PRKAA2: variants seen among roughly 807,000 people sequenced by gnomAD.
The protein encoded by PRKAA2 is 5'-AMP-activated protein kinase catalytic subunit alpha-2.
A neutral mutation model predicts 56.3 loss-of-function variants in PRKAA2; 40 were observed. The ratio of observed to expected loss-of-function variants is 0.71; its 90% CI spans 0.55 to 0.92. The LOEUF (loss-of-function observed/expected upper bound fraction) is 0.92. Among genes scored for constraint, PRKAA2 ranks in the 40% least tolerant of loss-of-function variants. PRKAA2 has a pLI of 0.00. For synonymous variants in PRKAA2, 214 were observed against 234.2 expected, an observed-to-expected ratio of 0.91 and a Z score of 0.79; for missense variants, 542 against 686.9, an observed-to-expected ratio of 0.79 and a Z score of 2.36.
intron 2 of PRKAA2, among the ~76,000 whole-genome samples, chr1:56,682,961 C>T (rs939189620): frequency 6.6e-6 from 1 of 151,290 alleles, no homozygotes; most frequent in African/African-American, 2.4e-5. Flanking sequence ...GTAGGAAGTT[C>T]TGTTCAACAG....
intron 1 of PRKAA2, among the ~76,000 whole-genome samples, chr1:56,656,903 A>C (rs979169755): frequency 3.9e-5 from 6 of 152,234 alleles, no homozygotes; most frequent in African/African-American, 1.4e-4. Context: ...TCTTGAATCC[A>C]AGACCACTGA....
rs1644355221 is a variant in PRKAA2 at position 56,709,458 on chromosome 1, A to G, written c.*1745A>G. 6.6e-6 allele frequency: 1 copy of G among 152,166 alleles called. No individual in the cohort carries two copies. The highest frequency in any genetic ancestry group is 2.4e-5 in the African/African-American group (1 of 41,452). 9.4% of individuals were successfully genotyped at this position (152,166 alleles called of 1,614,324 possible). A position where few individuals can be genotyped will look rare whatever the true frequency, so the allele number is the denominator to read the frequency against. The stretch of plus-strand genomic sequence containing the variant: ...GCAATTTGAGATAGTTTAAGGTTTA[A>G]TTATTGAAAGACTGCCATCTTGTGG... On this transcript the variant is annotated 3_prime_UTR_variant, in exon 9 of 9. Coordinates refer to ENST00000371244, the MANE Select transcript of PRKAA2 (RefSeq NM_006252.4).
intron 2 of PRKAA2, among the ~76,000 whole-genome samples, chr1:56,674,875 A>G (rs1342687777): frequency 6.6e-6 from 1 of 151,982 alleles, no homozygotes; most frequent in Non-Finnish European, 1.5e-5. Flanking sequence ...ACATTTCTAG[A>G]TTCATTTTTA....
rs1282542819 is a variant in PRKAA2, at chr1:56,696,248, C to T, written c.788+89C>T. The T allele has an allele frequency of 3.4e-6, 4 of 1,192,278 alleles. No homozygotes were observed. In the African/African-American group the frequency reaches 4.6e-5, roughly 14 times the overall value. 73.9% of individuals were successfully genotyped at this position (1,192,278 alleles called of 1,614,324 possible). ...GATTCTCCCAAAGTCTCATTTCCTG[C>T]CCTCACCACCTCACCCCAGTACTCA... On this transcript the variant is annotated intron_variant, in intron 6 of 8. Transcript: ENST00000371244.
intron 4 of PRKAA2, 28 bp downstream of exon 4, chr1:56,692,530 G>A (rs1308449409): frequency 6.2e-7 from 1 of 1,603,080 alleles, no homozygotes; most frequent in Admixed American, 1.7e-5. Flanking sequence ...TGTTCAGAAA[G>A]GTACTAGCTA....
At chr1:56,703,493 T>C (rs1644309914) in intron 6 of PRKAA2, among the ~76,000 whole-genome samples, 1 of 152,198 alleles carries the variant, frequency 6.6e-6, no homozygotes, top group African/African-American at 2.4e-5. Context: ...ACCTTCTTCA[T>C]TCAGTCTGTT....
intron 8 of PRKAA2, 58 bp from the exon 9 acceptor site, chr1:56,707,417 G>C: frequency 7.3e-7 from 1 of 1,371,280 alleles, no homozygotes; most frequent in Non-Finnish European, 1.0e-6. Context: ...TAAATTCATA[G>C]GAAGGGCTTG....
intron 4 of PRKAA2, among the ~76,000 whole-genome samples, chr1:56,692,913 G>C (rs1044498120): frequency 1.3e-5 from 2 of 151,462 alleles, no homozygotes; most frequent in African/African-American, 4.9e-5. Flanking sequence ...GCATGCAGTT[G>C]GAAAAAAGCC....
intron 1 of PRKAA2, among the ~76,000 whole-genome samples, chr1:56,660,937 G>A (rs1323908457): frequency 6.6e-6 from 1 of 152,196 alleles, no homozygotes; most frequent in Non-Finnish European, 1.5e-5. Flanking sequence ...TCAGGGAAAG[G>A]AAATTTGGAG....
In PRKAA2 at chr1:56,695,840, T is replaced by G. The variant is rs1418421667; in HGVS notation, c.564-95T>G. On this transcript the variant is annotated intron_variant, in intron 5 of 8. Coordinates refer to ENST00000371244, the MANE Select transcript of PRKAA2 (RefSeq NM_006252.4). The stretch of plus-strand genomic sequence containing the variant: ...TCATTAAAGACCTTGGAAATGAATA[T>G]GTACTGAATGTAGACTACCTATATA... The G allele has an allele frequency of 3.9e-6, 4 of 1,025,216 alleles. No homozygotes were observed. In the Admixed American group the frequency reaches 6.2e-5, roughly 16 times the overall value. 63.5% of individuals were successfully genotyped at this position (1,025,216 alleles called of 1,614,324 possible). A position where few individuals can be genotyped will look rare whatever the true frequency, so the allele number is the denominator to read the frequency against.
intron 1 of PRKAA2, among the ~76,000 whole-genome samples, chr1:56,656,094 A>G (rs929483309): frequency 6.6e-6 from 1 of 152,238 alleles, no homozygotes; most frequent in Non-Finnish European, 1.5e-5. Context: ...TCTAGGACTG[A>G]AAAAATACAA....
chr1:56,709,552 A>T lies in PRKAA2; in HGVS notation c.*1839A>T, dbSNP rs571522690. ...CAGTCCTGCTGTGTTAGCCTGGTCC[A>T]TTATAGATATGGCATAGTTTTGGGT... On this transcript the variant is annotated 3_prime_UTR_variant, in exon 9 of 9. Transcript: ENST00000371244. The T allele has an allele frequency of 2.0e-5, 3 of 152,310 alleles. No individual in the cohort carries two copies. The South Asian group carries it at 6.2e-4, about 32-fold the overall frequency. The allele number at this position is 152,310 out of a possible 1,614,324, so 9.4% of individuals were successfully genotyped here.
At chr1:56,667,863 G>T (rs888157092) in intron 1 of PRKAA2, among the ~76,000 whole-genome samples, 3 of 152,074 alleles carry the variant, frequency 2.0e-5, no homozygotes, top group Admixed American at 6.6e-5. Context: ...TCCATTTCTT[G>T]GTAGTCTCTC....
chr1:56,687,508 A>C (rs1644200392), intron 2 of PRKAA2, among the ~76,000 whole-genome samples: 1 of 152,142 alleles, frequency 6.6e-6, no homozygotes, highest in Non-Finnish European at 1.5e-5. Context: ...GGTGAGAAGC[A>C]ATGGGATGGG....
intron 2 of PRKAA2, among the ~76,000 whole-genome samples, chr1:56,684,384 T>C (rs1490252026): frequency 6.6e-6 from 1 of 151,980 alleles, no homozygotes. Context: ...AGAGATAAAT[T>C]TGGAAGCCAT....
At chr1:56,666,663 A>G (rs1644038294) in intron 1 of PRKAA2, among the ~76,000 whole-genome samples, 1 of 152,210 alleles carries the variant, frequency 6.6e-6, no homozygotes, top group African/African-American at 2.4e-5. Flanking sequence ...CACAGTCCTT[A>G]TGGGAAGTTC....
chr1:56,707,952 T>C lies in PRKAA2; in HGVS notation c.*239T>C, dbSNP rs1035756997. 9 of 523,314 alleles carry C rather than the reference T, an allele frequency of 1.7e-5. No individual in the cohort carries two copies. The highest frequency in any genetic ancestry group is 7.0e-5 in the Admixed American group (2 of 28,406). The allele number at this position is 523,314 out of a possible 1,614,324, so 32.4% of individuals were successfully genotyped here. The stretch of plus-strand genomic sequence containing the variant: ...TCACATAGGCAATATCTTTAATAGG[T>C]TAATATCAATGAAGATTTTTAATTA... On this transcript the variant is annotated 3_prime_UTR_variant, in exon 9 of 9. Coordinates refer to ENST00000371244, the MANE Select transcript of PRKAA2 (RefSeq NM_006252.4).
intron 1 of PRKAA2, among the ~76,000 whole-genome samples, chr1:56,661,081 G>A (rs983614437): frequency 2.6e-5 from 4 of 152,078 alleles, no homozygotes; most frequent in African/African-American, 4.8e-5. Context: ...CCAGAGTTAC[G>A]GCTTTTGACA....
At chr1:56,667,528 A>G (rs1025416524) in intron 1 of PRKAA2, among the ~76,000 whole-genome samples, 1 of 152,182 alleles carries the variant, frequency 6.6e-6, no homozygotes, top group African/African-American at 2.4e-5. Flanking sequence ...GGGTAACCAC[A>G]GATTGCATTA....
Sources: gnomAD v4.1 joint callset for allele counts (sites outside exome capture counted in the v4.1 genomes callset) on GRCh38, gnomAD v4.1.1 for gene constraint, MANE v1.5 for transcripts, NCBI Gene and HGNC (gene_info 2026-07-23, HGNC 2026-07-21) for gene names.